TAF1: variants seen among roughly 807,000 people sequenced by gnomAD.
TAF1 encodes TATA-box binding protein associated factor 1.
A neutral mutation model predicts 138.5 loss-of-function variants in TAF1; 2 were observed. That is an observed-to-expected ratio of 0.01 (90% confidence interval 0.01 to 0.05). The LOEUF (loss-of-function observed/expected upper bound fraction) is 0.05, where lower values mean the gene tolerates loss of function less well. TAF1 is among the 10% of genes least tolerant of loss of function. TAF1 has a pLI of 1.00. For missense variants in TAF1, 709 were observed against 1,478.0 expected, an observed-to-expected ratio of 0.48 and a Z score of 8.53; for synonymous variants, 437 against 503.2, an observed-to-expected ratio of 0.87 and a Z score of 1.76.
intron 32 of TAF1, among the ~76,000 whole-genome samples, chrX:71,445,140 C>CA (rs1166594157): frequency 2.6e-4 from 27 of 103,360 alleles, no homozygotes; most frequent in South Asian, 4.5e-4. Flanking sequence ...ACTAAAAATA[C>CA]AAAAAAAAAA....
At chrX:71,519,550 G>T (rs1235797704) in intron 13 of TAF1, among the ~76,000 whole-genome samples, 4 of 106,864 alleles carry the variant, frequency 3.7e-5, no homozygotes, top group African/African-American at 1.4e-4. Context: ...GGCTGAGGCA[G>T]GAGAATGGCA....
intron 21 of TAF1, 40 bp downstream of exon 21, chrX:71,393,516 G>C (rs758879518): frequency 8.6e-7 from 1 of 1,156,575 alleles, no homozygotes; most frequent in Non-Finnish European, 1.1e-6. Flanking sequence ...AAGCTGGAAA[G>C]GGGGAGGAGT....
intron 32 of TAF1, among the ~76,000 whole-genome samples, chrX:71,453,313 C>CT (rs761027470): frequency 1.8e-5 from 2 of 110,901 alleles, no homozygotes; most frequent in East Asian, 5.7e-4. Context: ...AATCCCAGCA[C>CT]TTTGGGAAGC....
chrX:71,454,898 A>T, intron 34 of TAF1, 41 bp downstream of exon 34: 2 of 1,202,955 alleles, frequency 1.7e-6, no homozygotes, highest in Non-Finnish European at 2.2e-6. Context: ...TAGTTTTCTT[A>T]TTGGTTTGGG....
At chrX:71,422,241 T>A (rs2036384451) in intron 29 of TAF1, among the ~76,000 whole-genome samples, 1 of 111,051 alleles carries the variant, frequency 9.0e-6, no homozygotes, top group Admixed American at 9.7e-5. Context: ...CAGGGAAGTA[T>A]AAATTTTGGT....
At chrX:71,381,054 A>G (rs1282714698) in intron 8 of TAF1, among the ~76,000 whole-genome samples, 1 of 111,804 alleles carries the variant, frequency 8.9e-6, no homozygotes, top group Non-Finnish European at 1.9e-5. Flanking sequence ...TGCCCACTTT[A>G]TGGGTTATAT....
chrX:71,470,974 A>T (rs998985660), downstream of TAF1, among the ~76,000 whole-genome samples: 3 of 109,183 alleles, frequency 2.7e-5, no homozygotes, highest in Non-Finnish European at 5.7e-5. Flanking sequence ...AGTGGTGATC[A>T]TTGCTACTGC....
At chrX:71,384,796 A>G in intron 13 of TAF1, 149 bp from the exon 14 acceptor site, 1 of 430,771 alleles carries the variant, frequency 2.3e-6, no homozygotes, top group Non-Finnish European at 3.9e-6. Context: ...ACTGGTAAGT[A>G]TAATGCAACT....
intron 13 of TAF1, among the ~76,000 whole-genome samples, chrX:71,489,405 G>A (rs1213947612): frequency 1.8e-5 from 2 of 111,020 alleles, no homozygotes; most frequent in Non-Finnish European, 3.8e-5. Flanking sequence ...GGCTGGGCGC[G>A]GTGGCTCATG....
chrX:71,526,819 G>A (rs1602121935), intron 13 of TAF1, among the ~76,000 whole-genome samples: 1 of 108,178 alleles, frequency 9.2e-6, no homozygotes, highest in African/African-American at 3.4e-5. Flanking sequence ...GTAATCTCCA[G>A]CATTTTGAGA....
intron 8 of TAF1, among the ~76,000 whole-genome samples, chrX:71,380,970 C>T (rs28382160): frequency 3.6e-5 from 4 of 112,005 alleles, no homozygotes; most frequent in African/African-American, 9.7e-5. Flanking sequence ...GGATTACAGG[C>T]GTGAGCCACC....
chrX:71,451,259 G>A (rs1252725239), intron 32 of TAF1, among the ~76,000 whole-genome samples: 1 of 111,898 alleles, frequency 8.9e-6, no homozygotes, highest in Non-Finnish European at 1.9e-5. Flanking sequence ...GACCCATATA[G>A]TTAAGAATCA....
intron 34 of TAF1, among the ~76,000 whole-genome samples, chrX:71,456,463 C>T (rs12014522): frequency 9.1e-6 from 1 of 110,351 alleles, no homozygotes; most frequent in African/African-American, 3.3e-5. Context: ...CTCATTATCT[C>T]TTAACCTGAG....
intron 32 of TAF1, among the ~76,000 whole-genome samples, chrX:71,447,633 G>A (rs1461890455): frequency 9.3e-6 from 1 of 108,056 alleles, no homozygotes; most frequent in Non-Finnish European, 1.9e-5. Context: ...GGAGACGGGG[G>A]TTGCAATGAG....
intron 3 of TAF1, among the ~76,000 whole-genome samples, chrX:71,371,017 A>G (rs981665629): frequency 1.8e-5 from 2 of 111,845 alleles, no homozygotes; most frequent in Non-Finnish European, 3.8e-5. Flanking sequence ...AGGTAAGTCA[A>G]TAGCTGTCAT....
intron 13 of TAF1, among the ~76,000 whole-genome samples, chrX:71,493,380 A>G (rs751803588): frequency 2.7e-5 from 3 of 112,187 alleles, no homozygotes; most frequent in South Asian, 7.4e-4. Context: ...GCCCTTATGA[A>G]ATGTGCTCTC....
At chrX:71,426,316 GA>G (rs1366015913) in intron 32 of TAF1, among the ~76,000 whole-genome samples, 3 of 110,980 alleles carry the variant, frequency 2.7e-5, no homozygotes, top group Non-Finnish European at 5.7e-5. Flanking sequence ...GCTGAGTTCT[GA>G]AAGATCAATG....
At chrX:71,474,291 C>A (rs1343924445) in intron 13 of TAF1, among the ~76,000 whole-genome samples, 2 of 111,382 alleles carry the variant, frequency 1.8e-5, no homozygotes, top group Non-Finnish European at 3.8e-5. Flanking sequence ...TTAGTTTGGT[C>A]GCAGAGAGAT....
At position 71,373,836 on chromosome X, in the gene TAF1, C is replaced by T. The variant is rs2033271631; in HGVS notation, c.353-1331C>T. On this transcript the variant is annotated intron_variant, in intron 3 of 37. Transcript: ENST00000423759. ...TTGAGTGATGCCAATGGTTAAGGGG[C>T]AGTGAAAAGAGTAATAAACTGCAGA... Among the ~76,000 whole-genome samples the T allele has an allele frequency of 3.6e-5, 4 of 110,178 alleles. No individual in the cohort carries two copies. The South Asian group carries it at 1.5e-3, about 42-fold the overall frequency.
Sources: allele counts gnomAD v4.1 joint callset (sites outside exome capture counted in the v4.1 genomes callset), GRCh38; gene constraint gnomAD v4.1.1; transcripts MANE v1.5; gene names NCBI Gene and HGNC (gene_info 2026-07-23, HGNC 2026-07-21).